Variants in CWC22 observed in about 807,000 individuals in gnomAD.
CWC22 encodes the protein CWC22 spliceosome associated protein.
CWC22 carries 53 observed loss-of-function variants against 117.2 expected under a neutral mutation model. That is an observed-to-expected ratio of 0.45 (90% CI 0.36 to 0.57). CWC22 has a LOEUF of 0.57. Among genes scored for constraint, CWC22 ranks in the 20% least tolerant of loss-of-function variants. The probability of loss-of-function intolerance (pLI) is 0.00; values close to 1 mark genes in which losing one functional copy is unlikely to be tolerated. For synonymous variants in CWC22, 360 were observed against 355.6 expected (o/e 1.01, Z -0.14); for missense variants, 980 against 1,068.8 (o/e 0.92, Z 1.16).
chr2:179,978,681 T>G (rs555411777), intron 5 of CWC22, among the ~76,000 whole-genome samples: 15 of 152,168 alleles, frequency 9.9e-5, no homozygotes, highest in African/African-American at 3.4e-4. Flanking sequence ...TGGAAACCTT[T>G]AAAATAAATG....
At chr2:180,001,971 T>G (rs1341373892) in intron 1 of CWC22, among the ~76,000 whole-genome samples, 1 of 152,202 alleles carries the variant, frequency 6.6e-6, no homozygotes, top group Non-Finnish European at 1.5e-5. Flanking sequence ...GATGAATGAA[T>G]AGTCCTTATC....
At chr2:180,006,245 C>A (rs1247057718) in intron 1 of CWC22, among the ~76,000 whole-genome samples, 1 of 152,178 alleles carries the variant, frequency 6.6e-6, no homozygotes, top group Non-Finnish European at 1.5e-5. Context: ...CAAATCCTGC[C>A]TTCTCCACTT....
At chr2:179,993,230 C>A (rs987613772) in intron 2 of CWC22, 85 bp downstream of exon 2, 2 of 1,027,788 alleles carry the variant, frequency 1.9e-6, no homozygotes, top group African/African-American at 3.2e-5. Context: ...GCTCTGATGT[C>A]CTAATTACAT....
In CWC22 at chr2:179,986,751, T is replaced by C. The variant is rs368297369; in HGVS notation, c.150A>G (p.Arg50=). ...PRDRDYFDYS[R]SDYEHSRRGR... Reference sequence around the variant, plus strand: ...CTCTTCTTGAATGCTCATAGTCTGATCTGCTGTAATCAAAGTAATCTCTAT... The same window carrying C: ...CTCTTCTTGAATGCTCATAGTCTGACCTGCTGTAATCAAAGTAATCTCTAT... Residue 50 remains arginine, a synonymous_variant, in exon 4 of 20, where the codon AGA becomes AGG. Coordinates refer to ENST00000410053, the MANE Select transcript of CWC22 (RefSeq NM_020943.3). 3 of 1,609,786 alleles carry C rather than the reference T, an allele frequency of 1.9e-6. No individual in the cohort carries two copies. The African/African-American group carries it at 4.0e-5, about 22-fold the overall frequency.
chr2:179,948,262 T>C (rs1575635917), intron 19 of CWC22, among the ~76,000 whole-genome samples: 1 of 152,044 alleles, frequency 6.6e-6, no homozygotes. Context: ...ATAAGATAAA[T>C]AACCGTGAGT....
chr2:179,991,828 G>T (rs964571406), intron 2 of CWC22, among the ~76,000 whole-genome samples: 8 of 152,122 alleles, frequency 5.3e-5, no homozygotes, highest in Non-Finnish European at 8.8e-5. Context: ...CAAAAAGGCC[G>T]ATTTGAGAAC....
Position 179,993,409 on chromosome 2 carries a change from G to C in CWC22, c.-68C>G, listed in dbSNP as rs1183826294. On this transcript the variant is annotated 5_prime_UTR_variant, in exon 2 of 20. Transcript: ENST00000410053. ...CTGGTCCAAATAACAAGTACCCAAT[G>C]CTCTGAATTCCTTGACAGTTTACTT... 3.6e-6 allele frequency: 4 copies of C among 1,101,100 alleles called. No homozygotes were observed. The East Asian group carries it at 1.0e-4, about 28-fold the overall frequency. 68.2% of individuals were successfully genotyped at this position (1,101,100 alleles called of 1,614,324 possible). A position where few individuals can be genotyped will look rare whatever the true frequency, so the allele number is the denominator to read the frequency against.
At chr2:179,978,348 A>C (rs1351965286) in intron 5 of CWC22, 30 bp from the exon 6 acceptor site, 2 of 1,425,204 alleles carry the variant, frequency 1.4e-6, no homozygotes, top group East Asian at 5.5e-5. Context: ...ATAAAGATTA[A>C]AACTTAATTA....
rs770765490 is a variant in CWC22, at chr2:179,971,089, A to C, written c.805-13T>G. 7 of 1,511,366 alleles carry C rather than the reference A, an allele frequency of 4.6e-6. No homozygotes were observed. The highest frequency in any genetic ancestry group is 6.2e-6 in the Non-Finnish European group (7 of 1,126,810). 93.6% of individuals were successfully genotyped at this position (1,511,366 alleles called of 1,614,324 possible). On this transcript the variant is annotated splice_polypyrimidine_tract_variant and intron_variant, in intron 8 of 19. Coordinates refer to ENST00000410053, the MANE Select transcript of CWC22 (RefSeq NM_020943.3). ...ATACTTCGTGTGCCTTAAATAAAATACATATACAAGGAAGAAACAAAATGC... is the reference window on the plus strand; with the variant it reads ...ATACTTCGTGTGCCTTAAATAAAATCCATATACAAGGAAGAAACAAAATGC...
At chr2:179,991,128 T>C (rs1256437021) in intron 2 of CWC22, among the ~76,000 whole-genome samples, 1 of 152,200 alleles carries the variant, frequency 6.6e-6, no homozygotes, top group Non-Finnish European at 1.5e-5. Context: ...GGTGACATCA[T>C]GTAGTAACTC....
intron 1 of CWC22, among the ~76,000 whole-genome samples, chr2:180,002,302 A>G (rs1687866945): frequency 6.6e-6 from 1 of 152,108 alleles, no homozygotes; most frequent in African/African-American, 2.4e-5. Context: ...AAATCTGCCC[A>G]TGTTTCCCCC....
chr2:179,949,946 G>A (rs1686403382), intron 19 of CWC22, among the ~76,000 whole-genome samples: 1 of 151,994 alleles, frequency 6.6e-6, no homozygotes, highest in African/African-American at 2.4e-5. Flanking sequence ...GGTAAAAACA[G>A]GCACAATTAA....
chr2:179,962,481 A>G (rs1686778415), intron 13 of CWC22, among the ~76,000 whole-genome samples: 1 of 152,148 alleles, frequency 6.6e-6, no homozygotes, highest in Non-Finnish European at 1.5e-5. Flanking sequence ...TTAAGAAAAT[A>G]CTACAAGCAC....
At chr2:179,995,716 C>T (rs1449175133) in intron 1 of CWC22, among the ~76,000 whole-genome samples, 1 of 152,170 alleles carries the variant, frequency 6.6e-6, no homozygotes, top group Non-Finnish European at 1.5e-5. Context: ...CAAAAGCAGG[C>T]TGAGTCTAGA....
intron 11 of CWC22, among the ~76,000 whole-genome samples, chr2:179,968,715 G>A (rs1374508078): frequency 6.6e-6 from 1 of 151,736 alleles, no homozygotes; most frequent in Non-Finnish European, 1.5e-5. Context: ...TTATAGGCAT[G>A]CACCACCACA....
chr2:179,988,843 G>A lies in CWC22; in HGVS notation c.28-199C>T, dbSNP rs554999706. On this transcript the variant is annotated intron_variant, in intron 2 of 19. Coordinates refer to ENST00000410053, the MANE Select transcript of CWC22 (RefSeq NM_020943.3). ...CAGACCATCCCAGATAGGCCTGTCT[G>A]TGGCAGGCACCTGTTTTCATTATGG... is the stretch of plus-strand genomic sequence containing the variant. Among the ~76,000 whole-genome samples the A allele has an allele frequency of 5.9e-5, 9 of 152,186 alleles. No homozygotes were observed. In the South Asian group the frequency reaches 1.9e-3, roughly 32 times the overall value.
chr2:179,952,506 C>T lies in CWC22; in HGVS notation c.1782G>A (p.Met594Ile). The part of the protein sequence containing the change: ...KIFFQELCEY[M>I]GLPKLNARLK... Reference sequence around the variant, plus strand: ...ATCTTGCATTAAGTTTAGGAAGACCCATGTATTCACACAGTTCCTGGAAAA... The same window carrying T: ...ATCTTGCATTAAGTTTAGGAAGACCTATGTATTCACACAGTTCCTGGAAAA... The change falls in exon 17 of 20, where the codon ATG becomes ATA. Residue 594 changes from methionine to isoleucine, a missense_variant. Coordinates refer to ENST00000410053, the MANE Select transcript of CWC22 (RefSeq NM_020943.3). 1 of 1,569,924 alleles carries T rather than the reference C, an allele frequency of 6.4e-7. No individual in the cohort carries two copies. The highest frequency in any genetic ancestry group is 1.8e-5 in the Admixed American group (1 of 54,182).
chr2:180,002,108 C>A (rs776351875), intron 1 of CWC22, among the ~76,000 whole-genome samples: 2 of 152,216 alleles, frequency 1.3e-5, no homozygotes, highest in Non-Finnish European at 2.9e-5. Context: ...CAATTTGCTA[C>A]AGGAAACCTC....
chr2:179,958,928 G>A (rs573739338), intron 14 of CWC22, 94 bp downstream of exon 14: 3 of 667,116 alleles, frequency 4.5e-6, no homozygotes, highest in South Asian at 1.8e-5. Context: ...TAGTACTGAG[G>A]TATTGCTTCA....
Sources: allele counts gnomAD v4.1 joint callset (sites outside exome capture counted in the v4.1 genomes callset), GRCh38; gene constraint gnomAD v4.1.1; transcripts MANE v1.5; gene names NCBI Gene and HGNC (gene_info 2026-07-23, HGNC 2026-07-21).